The following ZSWIM5 variants were observed in gnomAD, a reference collection of about 807,000 sequenced individuals.
ZSWIM5 encodes the protein zinc finger SWIM domain-containing protein 5.
In ZSWIM5, 55 loss-of-function variants were observed where a neutral mutation model predicts 119.6. The ratio of observed to expected loss-of-function variants is 0.46; its 90% CI spans 0.37 to 0.58. ZSWIM5 has a LOEUF of 0.58. ZSWIM5 is among the 20% of genes least tolerant of loss of function. The probability of loss-of-function intolerance (pLI) is 0.00; values close to 1 mark genes in which losing one functional copy is unlikely to be tolerated. For missense variants in ZSWIM5, 1,193 were observed against 1,512.8 expected (o/e 0.79, Z 3.51); for synonymous variants, 537 against 606.9 (o/e 0.88, Z 1.69).
At chr1:45,194,322 A>C (rs1346735620) in intron 1 of ZSWIM5, among the ~76,000 whole-genome samples, 3 of 152,150 alleles carry the variant, frequency 2.0e-5, no homozygotes, top group African/African-American at 7.2e-5. Context: ...GAAGCACAAA[A>C]AGCTATTTTC....
intron 2 of ZSWIM5, among the ~76,000 whole-genome samples, chr1:45,079,729 C>T (rs1645278035): frequency 6.6e-6 from 1 of 152,170 alleles, no homozygotes; most frequent in Non-Finnish European, 1.5e-5. Flanking sequence ...TGTCCTGAGA[C>T]TCACCTTAAG....
intron 1 of ZSWIM5, among the ~76,000 whole-genome samples, chr1:45,165,035 A>C (rs573198204): frequency 9.6e-4 from 146 of 152,228 alleles, no homozygotes; most frequent in Admixed American, 3.7e-3. Context: ...ACCACATCAC[A>C]CTTATTCCAA....
At chr1:45,172,029 AT>A (rs1264366634) in intron 1 of ZSWIM5, among the ~76,000 whole-genome samples, 2 of 151,942 alleles carry the variant, frequency 1.3e-5, no homozygotes, top group Non-Finnish European at 2.9e-5. Flanking sequence ...TCAGTCCCAA[AT>A]TTTTTTCTAA....
At position 45,206,259 on chromosome 1, in the gene ZSWIM5, T is replaced by C. The variant is rs1273901639; in HGVS notation, c.92A>G (p.His31Arg). ...RQCSWPSPQA[H>R]HPRGSPGAAG... ...TGCCCCAGGCGAACCGCGAGGGTGA[T>C]GAGCCTGCGGGCTGGGCCACGAACA... The change falls in exon 1 of 14, where the codon CAT becomes CGT. Residue 31 changes from histidine (H) to arginine (R), a missense_variant. His to Arg is a conservative substitution (Grantham distance 29). This residue lies in a region of ZSWIM5 where 232 missense variants were observed against 222.9 expected (regional missense o/e 1.04). Transcript: ENST00000359600. 6.3e-7 allele frequency: 1 copy of C among 1,584,174 alleles called. No individual in the cohort carries two copies. Among genetic ancestry groups the C allele is most frequent in the East Asian group, 2.3e-5 (1 of 43,534 alleles).
chr1:45,046,036 T>C (rs1645052062), intron 5 of ZSWIM5, among the ~76,000 whole-genome samples: 2 of 151,642 alleles, frequency 1.3e-5, no homozygotes, highest in African/African-American at 2.4e-5. Context: ...GCCAGTATAG[T>C]TGGATGGAAT....
chr1:45,029,892 C>A (rs2148989392), intron 11 of ZSWIM5, among the ~76,000 whole-genome samples: 1 of 152,262 alleles, frequency 6.6e-6, no homozygotes, highest in South Asian at 2.1e-4. Flanking sequence ...GTACAACTAT[C>A]TGTTTGAGTT....
chr1:45,194,796 G>A (rs1646112584), intron 1 of ZSWIM5, among the ~76,000 whole-genome samples: 1 of 151,620 alleles, frequency 6.6e-6, no homozygotes, highest in Admixed American at 6.6e-5. Context: ...AGAATGGTGT[G>A]AACCCAGGAG....
chr1:45,205,808 GCGGAA>G lies in ZSWIM5; in HGVS notation c.538_542del (p.Phe180ProfsTer27). 1 of 1,546,368 alleles carries G rather than the reference GCGGAA, an allele frequency of 6.5e-7. No homozygotes were observed. Among genetic ancestry groups the G allele is most frequent in the Non-Finnish European group, 8.7e-7 (1 of 1,150,800 alleles). On this transcript the variant is annotated frameshift_variant, in exon 1 of 14. Coordinates refer to ENST00000359600, the MANE Select transcript of ZSWIM5 (RefSeq NM_020883.2). LOFTEE classifies it high-confidence loss of function. ...CGCTGTCCAGCAGACGGATGCCCCG[GCGGAA>G]CGGGAGCCCCTCGCCACCGCAGCCG...
intron 2 of ZSWIM5, among the ~76,000 whole-genome samples, chr1:45,075,391 T>C (rs933930722): frequency 2.0e-5 from 3 of 152,216 alleles, no homozygotes; most frequent in East Asian, 1.9e-4. Flanking sequence ...TGCTCCAGTG[T>C]TGGGTGTATA....
intron 2 of ZSWIM5, among the ~76,000 whole-genome samples, chr1:45,066,637 T>C (rs999513569): frequency 6.6e-6 from 1 of 152,192 alleles, no homozygotes; most frequent in African/African-American, 2.4e-5. Context: ...GGATATTCTC[T>C]CAAGGAGAGG....
chr1:45,129,313 C>G (rs1251485948), intron 1 of ZSWIM5, among the ~76,000 whole-genome samples: 2 of 152,028 alleles, frequency 1.3e-5, no homozygotes, highest in Non-Finnish European at 2.9e-5. Context: ...CGCCCGCCAC[C>G]ACCCCTGGCT....
At chr1:45,023,529 C>G (rs935342408) in intron 11 of ZSWIM5, among the ~76,000 whole-genome samples, 1 of 137,670 alleles carries the variant, frequency 7.3e-6, no homozygotes, top group African/African-American at 2.7e-5. Context: ...GTGTGTGTGG[C>G]TTGAGAAACC....
At chr1:45,115,403 G>C (rs1396172639) in intron 1 of ZSWIM5, among the ~76,000 whole-genome samples, 1 of 149,084 alleles carries the variant, frequency 6.7e-6, no homozygotes, top group South Asian at 2.1e-4. Flanking sequence ...TGGGCGGAGG[G>C]GCTCCTCACT....
chr1:45,101,639 C>T (rs1645440286), intron 1 of ZSWIM5, among the ~76,000 whole-genome samples: 1 of 152,192 alleles, frequency 6.6e-6, no homozygotes, highest in Non-Finnish European at 1.5e-5. Context: ...TTGGAACCAA[C>T]CCAAATATCC....
chr1:45,051,267 C>T lies in ZSWIM5; in HGVS notation c.1253-14G>A, dbSNP rs1422137421. 6.2e-7 allele frequency: 1 copy of T among 1,610,332 alleles called. No homozygotes were observed. The highest frequency in any genetic ancestry group is 2.2e-5 in the East Asian group (1 of 44,852). The stretch of plus-strand genomic sequence containing the variant: ...CCCATAAAGCCCCTGGAAAATAAAG[C>T]AACCCATATTCTTAACATCTCTCCT... On this transcript the variant is annotated splice_polypyrimidine_tract_variant and intron_variant, in intron 4 of 13. Coordinates refer to ENST00000359600, the MANE Select transcript of ZSWIM5 (RefSeq NM_020883.2).
At chr1:45,067,451 A>AG (rs1553191164) in intron 2 of ZSWIM5, among the ~76,000 whole-genome samples, 93,930 of 136,602 alleles carry the variant, frequency 0.69, 32,409 homozygotes, top group South Asian at 0.75. Context: ...AAAAAAAAAA[A>AG]AAAGAAAGAA....
intron 1 of ZSWIM5, among the ~76,000 whole-genome samples, chr1:45,197,888 A>G (rs1360025466): frequency 6.6e-6 from 1 of 152,272 alleles, no homozygotes; most frequent in Non-Finnish European, 1.5e-5. Flanking sequence ...CTTGGGAGAA[A>G]GAATGGTGAA....
At chr1:45,023,669 T>C (rs1644902674) in intron 11 of ZSWIM5, among the ~76,000 whole-genome samples, 1 of 152,324 alleles carries the variant, frequency 6.6e-6, no homozygotes, top group African/African-American at 2.4e-5. Context: ...CTTTAAACAT[T>C]CATGTGCAGG....
At chr1:45,191,787 T>A (rs990131424) in intron 1 of ZSWIM5, among the ~76,000 whole-genome samples, 8 of 152,210 alleles carry the variant, frequency 5.3e-5, no homozygotes, top group Non-Finnish European at 1.0e-4. Flanking sequence ...CGAAACATAA[T>A]GTTTGAAGGT....
Sources: allele counts gnomAD v4.1 joint callset (sites outside exome capture counted in the v4.1 genomes callset), GRCh38; gene constraint gnomAD v4.1.1; regional missense constraint gnomAD v4.1.1; transcripts MANE v1.5; gene names NCBI Gene and HGNC (gene_info 2026-07-23, HGNC 2026-07-21).